C4BPB: variants seen among roughly 807,000 people sequenced by gnomAD.
C4BPB encodes the protein complement component 4 binding protein beta.
C4BPB carries 19 observed loss-of-function variants against 26.6 expected under a neutral mutation model. That is an observed-to-expected ratio of 0.71 (90% CI 0.50 to 1.05). The LOEUF is 1.05. C4BPB is among the 50% of genes least tolerant of loss of function. The pLI is 0.00. For missense variants in C4BPB, 282 were observed against 302.9 expected, an observed-to-expected ratio of 0.93 and a Z score of 0.51; for synonymous variants, 118 against 103.5, an observed-to-expected ratio of 1.14 and a Z score of -0.85.
chr1:207,094,746 A>T lies in C4BPB; in HGVS notation c.410-1776A>T, dbSNP rs4403634. Among the ~76,000 whole-genome samples the T allele has an allele frequency of 2.6e-5, 4 of 152,110 alleles. No individual in the cohort carries two copies. The East Asian group carries it at 5.8e-4, about 22-fold the overall frequency. ...CTGGAATCCCCCAAACAACTCCTGG[A>T]AATTCTTCTTGCTTTCCTCTATTCA... On this transcript the variant is annotated intron_variant, in intron 4 of 6. Coordinates refer to ENST00000367078, the MANE Select transcript of C4BPB (RefSeq NM_001017365.3).
At chr1:207,098,082 A>G in intron 5 of C4BPB, 68 bp from the exon 6 acceptor site, 1 of 1,231,888 alleles carries the variant, frequency 8.1e-7, no homozygotes, top group Non-Finnish European at 1.2e-6. Context: ...ATACAACTAC[A>G]CAAAACCAGT....
intron 2 of C4BPB, among the ~76,000 whole-genome samples, 169 bp downstream of exon 2, chr1:207,089,758 TA>T (rs1311350822): frequency 6.6e-6 from 1 of 152,182 alleles, no homozygotes; most frequent in Admixed American, 6.5e-5. Context: ...GAGCTTAGTG[TA>T]CATTTAATGA....
intron 3 of C4BPB, among the ~76,000 whole-genome samples, chr1:207,091,391 G>T (rs56290838): frequency 2.0e-5 from 3 of 152,182 alleles, no homozygotes; most frequent in Non-Finnish European, 2.9e-5. Flanking sequence ...TTTCAGTTAC[G>T]TGATTAATTA....
Position 207,090,329 on chromosome 1 carries a change from C to G in C4BPB, c.80C>G (p.Pro27Arg), listed in dbSNP as rs1173365732. Residue 27 changes from proline (P) to arginine (R), a missense_variant, in exon 3 of 7, where the codon CCT (proline) becomes CGT (arginine). By Grantham distance (103) the Pro-to-Arg change is moderately radical (BLOSUM62 -2). Coordinates refer to ENST00000367078, the MANE Select transcript of C4BPB (RefSeq NM_001017365.3). ...CCAGCAGAGCACTGTCCAGAGCTTC[C>G]TCCAGTGGACAATAGCATATTTGTC... ...ASDAEHCPELPPVDNSIFVAK... is the reference protein window; with the variant it reads ...ASDAEHCPELRPVDNSIFVAK... 1.2e-6 allele frequency: 2 copies of G among 1,613,182 alleles called. No homozygotes were observed. The highest frequency in any genetic ancestry group is 2.2e-5 in the South Asian group (2 of 90,948).
chr1:207,094,657 G>A (rs1026013110), intron 4 of C4BPB, among the ~76,000 whole-genome samples: 3 of 152,000 alleles, frequency 2.0e-5, no homozygotes, highest in Admixed American at 6.6e-5. Flanking sequence ...TGTTTATTCT[G>A]TTTACCACAT....
In C4BPB at chr1:207,096,574, C is replaced by G. The variant is rs8942; in HGVS notation, c.462C>G (p.Asn154Lys). ...NPVHGYFEGNNFTLGSTISYY... is the reference protein window; with the variant it reads ...NPVHGYFEGNKFTLGSTISYY... Reference sequence around the variant, plus strand: ...TTCATGGCTATTTTGAAGGAAATAACTTCACCTTAGGATCCACCATTAGTT... The same window carrying G: ...TTCATGGCTATTTTGAAGGAAATAAGTTCACCTTAGGATCCACCATTAGTT... The change falls in exon 5 of 7, where the codon AAC becomes AAG. Residue 154 changes from asparagine to lysine, a missense_variant. By Grantham distance (94) the Asn-to-Lys change is moderately conservative. Coordinates refer to ENST00000367078, the MANE Select transcript of C4BPB (RefSeq NM_001017365.3). 1 of 1,606,564 alleles carries G rather than the reference C, an allele frequency of 6.2e-7. No homozygotes were observed.
chr1:207,089,377 T>C (rs1453937243), intron 1 of C4BPB, 105 bp from the exon 2 acceptor site: 5 of 602,682 alleles, frequency 8.3e-6, no homozygotes, highest in Admixed American at 6.3e-5. Context: ...ATTTTTTCTT[T>C]TCATTTTCTC....
At chr1:207,090,283 G>A (rs750266041) in intron 2 of C4BPB, 25 bp from the exon 3 acceptor site, 56 of 1,575,526 alleles carry the variant, frequency 3.6e-5, no homozygotes, top group Non-Finnish European at 4.6e-5. Context: ...TATGCCAAGT[G>A]AATCTGTTTT....
At position 207,091,859 on chromosome 1, in the gene C4BPB, T is replaced by C. The variant is rs55987857; in HGVS notation, c.409+39T>C. The C allele has an allele frequency of 2.2e-3, 3,383 of 1,521,524 alleles. 49 individuals carry two copies. The African/African-American group carries it at 0.04, about 18-fold the overall frequency. The allele number at this position is 1,521,524 out of a possible 1,614,324, so 94.3% of individuals were successfully genotyped here. A position where few individuals can be genotyped will look rare whatever the true frequency, so the allele number is the denominator to read the frequency against. Reference sequence around the variant, plus strand: ...AAACCATCAAGGATCCCCAAAATACTGATTAGTAGTCTAAACTTAGACATT... The same window carrying C: ...AAACCATCAAGGATCCCCAAAATACCGATTAGTAGTCTAAACTTAGACATT... On this transcript the variant is annotated intron_variant, in intron 4 of 6. Transcript: ENST00000367078.
At chr1:207,098,887 G>GTGACAGATCA (rs1684359897) in intron 6 of C4BPB, among the ~76,000 whole-genome samples, 2 of 152,012 alleles carry the variant, frequency 1.3e-5, no homozygotes, top group Admixed American at 1.3e-4. Context: ...ATGAGAGACA[G>GTGACAGATCA]TGACAGATCA....
rs754303721 is a variant in C4BPB, at chr1:207,091,722, C to A, written c.311C>A (p.Thr104Lys). 5 of 1,613,784 alleles carry A rather than the reference C, an allele frequency of 3.1e-6. No individual in the cohort carries two copies. The East Asian group carries it at 1.1e-4, about 36-fold the overall frequency. ...CCTGTGAATGTAAGTGACAAAATCA[C>A]GTTTATGTGCAATGACCACTACATC... ...SGPVNVSDKI[T>K]FMCNDHYILK... The change falls in exon 4 of 7, where the codon ACG (threonine) becomes AAG (lysine). Residue 104 changes from threonine to lysine, a missense_variant. By Grantham distance (78) the Thr-to-Lys change is moderately conservative. Transcript: ENST00000367078.
chr1:207,095,750 C>A, intron 4 of C4BPB: 1 of 311,162 alleles, frequency 3.2e-6, no homozygotes, highest in Non-Finnish European at 6.2e-6. Context: ...CTGGATCATG[C>A]GGGTGGATTT....
At chr1:207,091,894 C>T (rs1572753965) in intron 4 of C4BPB, 74 bp downstream of exon 4, 2 of 1,259,092 alleles carry the variant, frequency 1.6e-6, no homozygotes, top group Admixed American at 2.9e-5. Flanking sequence ...TTGCCACATC[C>T]CTGGGATGCT....
At chr1:207,092,352 T>C (rs1684062843) in intron 4 of C4BPB, among the ~76,000 whole-genome samples, 1 of 152,088 alleles carries the variant, frequency 6.6e-6, no homozygotes, top group African/African-American at 2.4e-5. Flanking sequence ...TTAAATGCCA[T>C]TTTGTGTGTA....
intron 3 of C4BPB, 122 bp downstream of exon 3, chr1:207,090,603 AC>A: frequency 1.2e-6 from 1 of 827,346 alleles, no homozygotes; most frequent in Non-Finnish European, 1.8e-6. Context: ...TTTCTAGGAG[AC>A]CTCTTTTAAA....
intron 6 of C4BPB, 59 bp downstream of exon 6, chr1:207,098,323 C>T: frequency 2.9e-6 from 3 of 1,048,798 alleles, no homozygotes; most frequent in Non-Finnish European, 1.5e-6. Context: ...CCTGGCATCA[C>T]TCCTGGCATA....
intron 5 of C4BPB, 43 bp downstream of exon 5, chr1:207,096,658 G>T (rs780144692): frequency 8.7e-7 from 1 of 1,154,592 alleles, no homozygotes; most frequent in African/African-American, 1.6e-5. Flanking sequence ...TTGCCCCTTG[G>T]CAGCATTGTT....
In C4BPB at chr1:207,091,252, C is replaced by A. The variant is rs2102304232; in HGVS notation, c.233-392C>A. Among the ~76,000 whole-genome samples, 2 of 152,098 alleles carry A rather than the reference C, an allele frequency of 1.3e-5. 1 individual carries two copies. The highest frequency in any genetic ancestry group is 4.1e-4 in the South Asian group (2 of 4,822). On this transcript the variant is annotated intron_variant, in intron 3 of 6. Coordinates refer to ENST00000367078, the MANE Select transcript of C4BPB (RefSeq NM_001017365.3). The stretch of plus-strand genomic sequence containing the variant: ...TTCCATGCCATGGGAAAAAGCACAA[C>A]AAAATAAAAAATGCTAAGTAAGTGT...
rs1684336263 is a variant in C4BPB at position 207,098,208 on chromosome 1, C to T, written c.562C>T (p.Leu188Phe). Residue 188 changes from leucine to phenylalanine, a missense_variant, in exon 6 of 7, where the codon CTT (leucine) becomes TTT (phenylalanine). Leu to Phe is a conservative substitution (Grantham distance 22, BLOSUM62 0). Coordinates refer to ENST00000367078, the MANE Select transcript of C4BPB (RefSeq NM_001017365.3). ...CGTTGATGGGGAGTGGAGCAGTGCACTTCCAGTCTGCAAGTTGATCCAGGA... is the reference window on the plus strand; with the variant it reads ...CGTTGATGGGGAGTGGAGCAGTGCATTTCCAGTCTGCAAGTTGATCCAGGA... Reference protein sequence around the residue: ...QCVDGEWSSALPVCKLIQEAP... With the variant: ...QCVDGEWSSAFPVCKLIQEAP... The T allele has an allele frequency of 2.5e-6, 4 of 1,613,988 alleles. No homozygotes were observed. Among genetic ancestry groups the T allele is most frequent in the Non-Finnish European group, 3.4e-6 (4 of 1,179,962 alleles).
Sources: gnomAD v4.1 joint callset for allele counts (sites outside exome capture counted in the v4.1 genomes callset) on GRCh38, gnomAD v4.1.1 for gene constraint, MANE v1.5 for transcripts, NCBI Gene and HGNC (gene_info 2026-07-23, HGNC 2026-07-21) for gene names.